Variants in MYO18A observed in about 807,000 individuals in gnomAD.
The protein encoded by MYO18A is unconventional myosin-XVIIIa.
Under a neutral mutation model 235.8 loss-of-function variants are expected in MYO18A, and 78 were observed. That is an observed-to-expected ratio of 0.33 (90% CI 0.28 to 0.40). MYO18A has a LOEUF of 0.40. Among genes scored for constraint, MYO18A ranks in the 10% least tolerant of loss-of-function variants. The pLI, the probability that MYO18A is intolerant of heterozygous loss-of-function variation, is 1.00. For missense variants in MYO18A, 2,215 were observed against 2,699.3 expected (o/e 0.82, Z 3.98); for synonymous variants, 977 against 1,077.8 (o/e 0.91, Z 1.83).
chr17:29,122,119 G>A, intron 3 of MYO18A, 47 bp downstream of exon 3: 5 of 1,584,966 alleles, frequency 3.2e-6, no homozygotes, highest in Non-Finnish European at 4.3e-6. Context: ...GCCCAGCCCT[G>A]AGACCAGTGA....
At position 29,111,687 on chromosome 17, in the gene MYO18A, A is replaced by C; in HGVS notation, c.2740+35T>G. The C allele has an allele frequency of 6.2e-7, 1 of 1,612,668 alleles. No individual in the cohort carries two copies. On this transcript the variant is annotated intron_variant, in intron 16 of 41. Transcript: ENST00000527372. This position sits in a 1 kb window ranked among gnomAD's most constrained non-coding sequence, Gnocchi z 5.1. Reference sequence around the variant, plus strand: ...CCTGGACCCACCTGTATGTAAGAGGAAGCAGAGGAGCTACCCTCTAGGGAT... The same window carrying C: ...CCTGGACCCACCTGTATGTAAGAGGCAGCAGAGGAGCTACCCTCTAGGGAT...
chr17:29,167,025 C>A lies in MYO18A; in HGVS notation c.-81-4G>T, dbSNP rs1291645087. On this transcript the variant is annotated splice_polypyrimidine_tract_variant and splice_region_variant and intron_variant, in intron 1 of 41. Coordinates refer to ENST00000527372, the MANE Select transcript of MYO18A (RefSeq NM_078471.4). ...GCCTTGGTGCCCCACTTTGCTGCTG[C>A]AAACAGAAACACACAGAGAGAAAGG... 1.4e-6 allele frequency: 2 copies of A among 1,445,516 alleles called. No individual in the cohort carries two copies. Among genetic ancestry groups the A allele is most frequent in the African/African-American group, 2.9e-5 (2 of 69,728 alleles). The allele number at this position is 1,445,516 out of a possible 1,614,324, so 89.5% of individuals were successfully genotyped here.
chr17:29,086,957 C>T lies in MYO18A; in HGVS notation c.5691G>A (p.Ala1897=), dbSNP rs144302282. 440 of 1,612,286 alleles carry T rather than the reference C, an allele frequency of 2.7e-4. 2 individuals are homozygous for T. The African/African-American group carries it at 4.9e-3, about 18-fold the overall frequency. The change falls in exon 38 of 42, where the codon GCG becomes GCA. Residue 1897 remains alanine, a synonymous_variant. Transcript: ENST00000527372. ...TTACCAGTTCGTGCTTCTTGCGGCT[C>T]GCCTCGGCCTCCTTCCTGGCAAGCT... ...MGELARKEAE[A]SRKKHELEMD...
chr17:29,078,695 C>G (rs189954041), intron 41 of MYO18A: 1 of 152,228 alleles, frequency 6.6e-6, no homozygotes, highest in East Asian at 1.9e-4. Flanking sequence ...AATGTCACCA[C>G]GCACCAGAGA....
intron 2 of MYO18A, among the ~76,000 whole-genome samples, chr17:29,144,778 A>G (rs966979643): frequency 2.0e-5 from 3 of 152,196 alleles, no homozygotes; most frequent in Admixed American, 1.3e-4. Context: ...GTTATACTCA[A>G]TATGGTGCTC....
At chr17:29,075,088 A>C in intron 41 of MYO18A, 174 bp from the exon 42 acceptor site, 1 of 702,090 alleles carries the variant, frequency 1.4e-6, no homozygotes, top group Non-Finnish European at 2.3e-6. Flanking sequence ...GCTAAGAGGA[A>C]GGAGACTCTG....
rs780320398 is a variant in MYO18A, at chr17:29,092,329, C to G, written c.5187+14G>C. 1.2e-4 allele frequency: 198 copies of G among 1,602,418 alleles called. 2 individuals carry two copies. In the South Asian group the frequency reaches 1.7e-3, roughly 14 times the overall value. ...AGCCCCCCGAGCTCTGCCCCGGGCA[C>G]CTTGGCCCCTCACCGCTGTCTTGGC... On this transcript the variant is annotated intron_variant, in intron 34 of 41. Transcript: ENST00000527372.
chr17:29,163,193 C>T (rs2152971425), intron 2 of MYO18A, among the ~76,000 whole-genome samples: 1 of 152,328 alleles, frequency 6.6e-6, no homozygotes, highest in African/African-American at 2.4e-5. Flanking sequence ...TGGCGCATAA[C>T]TGGGATTAGA....
At chr17:29,104,393 A>G (rs1169755286) in intron 20 of MYO18A, among the ~76,000 whole-genome samples, 1 of 152,204 alleles carries the variant, frequency 6.6e-6, no homozygotes, top group Admixed American at 6.5e-5. Flanking sequence ...ATCTAGGGCT[A>G]TACTGAGATT....
At chr17:29,167,882 C>T (rs1337358292) in intron 1 of MYO18A, among the ~76,000 whole-genome samples, 1 of 152,168 alleles carries the variant, frequency 6.6e-6, no homozygotes, top group East Asian at 1.9e-4. Context: ...AAGGAACCAA[C>T]ATTTATTTAA....
chr17:29,102,209 A>G (rs2066670970), intron 21 of MYO18A, among the ~76,000 whole-genome samples: 1 of 152,220 alleles, frequency 6.6e-6, no homozygotes, highest in Admixed American at 6.5e-5. Context: ...CTGAGATGGC[A>G]GCTGGGAAGA....
At chr17:29,092,534 G>A in intron 33 of MYO18A, 78 bp from the exon 34 acceptor site, 1 of 1,184,730 alleles carries the variant, frequency 8.4e-7, no homozygotes, top group Admixed American at 1.9e-5. Context: ...AGGAAAGAGG[G>A]AGCTCGGATG....
rs1412700227 is a variant in MYO18A, at chr17:29,158,265, A to G, written c.999+7677T>C. On this transcript the variant is annotated intron_variant, in intron 2 of 41. Coordinates refer to ENST00000527372, the MANE Select transcript of MYO18A (RefSeq NM_078471.4). The surrounding 1 kb of genome is among the most constrained non-coding windows in gnomAD (Gnocchi z 4.3). ...GGGCTGAGTCGCACCAGGGCAGAACACCATGCCCTGATTCTGGAGAACATA... is the reference window on the plus strand; with the variant it reads ...GGGCTGAGTCGCACCAGGGCAGAACGCCATGCCCTGATTCTGGAGAACATA... Among the ~76,000 whole-genome samples, 1 of 152,146 alleles carries G rather than the reference A, an allele frequency of 6.6e-6. No individual in the cohort carries two copies. Among genetic ancestry groups the G allele is most frequent in the Non-Finnish European group, 1.5e-5 (1 of 68,032 alleles).
chr17:29,092,829 A>T (rs2066430054), intron 33 of MYO18A, 26 bp downstream of exon 33: 1 of 1,612,346 alleles, frequency 6.2e-7, no homozygotes, highest in Non-Finnish European at 8.5e-7. Context: ...TTGTGCCTGG[A>T]TCAGCCGTGT....
rs539080395 is a variant in MYO18A, at chr17:29,071,326, G to A, written c.*3444C>T. On this transcript the variant is annotated 3_prime_UTR_variant, in exon 42 of 42. Transcript: ENST00000527372. ...CTTCTGCAACATCTTAGGGACCAGA[G>A]GTACCATGAGTGTACAGGTAAGGTC... 1 of 152,304 alleles carries A rather than the reference G, an allele frequency of 6.6e-6. No homozygotes were observed. Among genetic ancestry groups the A allele is most frequent in the South Asian group, 2.1e-4 (1 of 4,824 alleles). The allele number at this position is 152,304 out of a possible 1,614,324, so 9.4% of individuals were successfully genotyped here.
At chr17:29,161,667 C>G (rs1434498831) in intron 2 of MYO18A, among the ~76,000 whole-genome samples, 1 of 152,218 alleles carries the variant, frequency 6.6e-6, no homozygotes, top group Non-Finnish European at 1.5e-5. Flanking sequence ...GAGGACATGC[C>G]TCGTCCTAAG....
chr17:29,102,625 C>A (rs1215839934), intron 21 of MYO18A, among the ~76,000 whole-genome samples: 1 of 152,138 alleles, frequency 6.6e-6, no homozygotes, highest in Non-Finnish European at 1.5e-5. Flanking sequence ...GAATAGAGAC[C>A]AGCAGGGACT....
intron 10 of MYO18A, 30 bp from the exon 11 acceptor site, chr17:29,116,485 G>A: frequency 6.2e-7 from 1 of 1,613,884 alleles, no homozygotes; most frequent in Non-Finnish European, 8.5e-7. Context: ...CATGCAGCAT[G>A]CAAAGAAAAA....
At chr17:29,080,578 G>T in intron 41 of MYO18A, 1 of 985,868 alleles carries the variant, frequency 1.0e-6, no homozygotes, top group Non-Finnish European at 1.2e-6. Context: ...GCTGCGGCGG[G>T]AACCGGGCGA....
Sources: allele counts gnomAD v4.1 joint callset (sites outside exome capture counted in the v4.1 genomes callset), GRCh38; gene constraint gnomAD v4.1.1; non-coding constraint Gnocchi (gnomAD v3.1); transcripts MANE v1.5; gene names NCBI Gene and HGNC (gene_info 2026-07-23, HGNC 2026-07-21).